MCOLN2: variants seen among roughly 807,000 people sequenced by gnomAD.
The protein encoded by MCOLN2 is mucolipin-2.
Under a neutral mutation model 67.5 loss-of-function variants are expected in MCOLN2, and 57 were observed. The ratio of observed to expected loss-of-function variants is 0.84; its 90% confidence interval spans 0.68 to 1.05. The LOEUF is 1.05. Among genes scored for constraint, MCOLN2 ranks in the 50% least tolerant of loss-of-function variants. The probability of loss-of-function intolerance (pLI) is 0.00; values close to 1 mark genes in which losing one functional copy is unlikely to be tolerated. For missense variants in MCOLN2, 620 were observed against 678.8 expected (o/e 0.91, Z 0.96); for synonymous variants, 246 against 233.3 (o/e 1.05, Z -0.50).
intron 11 of MCOLN2, among the ~76,000 whole-genome samples, chr1:84,935,309 C>T (rs923762381): frequency 2.0e-5 from 3 of 152,204 alleles, no homozygotes. Context: ...GTGTATTTCC[C>T]CAATATATCA....
intron 1 of MCOLN2, among the ~76,000 whole-genome samples, chr1:84,977,307 A>G (rs1288994463): frequency 6.6e-6 from 1 of 152,036 alleles, no homozygotes; most frequent in African/African-American, 2.4e-5. Context: ...CACCTTCATT[A>G]AAGGAAGACA....
At chr1:84,994,811 C>T (rs1651070790) in intron 1 of MCOLN2, among the ~76,000 whole-genome samples, 1 of 152,184 alleles carries the variant, frequency 6.6e-6, no homozygotes, top group Non-Finnish European at 1.5e-5. Context: ...ATCTCATATG[C>T]ATTCAAAACT....
At chr1:84,934,679 T>G (rs913461958) in intron 11 of MCOLN2, among the ~76,000 whole-genome samples, 2 of 152,228 alleles carry the variant, frequency 1.3e-5, no homozygotes, top group African/African-American at 4.8e-5. Flanking sequence ...CTATGATTTA[T>G]TCCTCACAGG....
At position 84,968,416 on chromosome 1, in the gene MCOLN2, C is replaced by G. The variant is rs191505699; in HGVS notation, c.78-2708G>C. 2.0e-5 allele frequency among the ~76,000 whole-genome samples: 3 copies of G among 152,140 alleles called. No homozygotes were observed. In the East Asian group the frequency reaches 5.8e-4, roughly 29 times the overall value. On this transcript the variant is annotated intron_variant, in intron 1 of 13. Coordinates refer to ENST00000370608, the MANE Select transcript of MCOLN2 (RefSeq NM_153259.4). ...TAGGTTCATCCTAAGACTTGGCACTCTAATAAATAACTTATAAAACACAAT... is the reference window on the plus strand; with the variant it reads ...TAGGTTCATCCTAAGACTTGGCACTGTAATAAATAACTTATAAAACACAAT...
chr1:84,957,959 A>T (rs953925831), intron 3 of MCOLN2, among the ~76,000 whole-genome samples: 14 of 152,230 alleles, frequency 9.2e-5, no homozygotes, highest in Non-Finnish European at 1.6e-4. Context: ...CTTCAAGTCT[A>T]CTAATCTGCT....
chr1:84,975,855 G>T (rs981854841), intron 1 of MCOLN2, among the ~76,000 whole-genome samples: 8 of 151,984 alleles, frequency 5.3e-5, no homozygotes, highest in Non-Finnish European at 2.9e-5. Context: ...GAATCTAAAA[G>T]AAATTCTGGA....
At chr1:84,963,406 T>C (rs1649196647) in intron 2 of MCOLN2, among the ~76,000 whole-genome samples, 1 of 152,094 alleles carries the variant, frequency 6.6e-6, no homozygotes, top group Non-Finnish European at 1.5e-5. Context: ...GAGAAGATAG[T>C]GAGTATGGGA....
At chr1:84,968,217 A>C (rs1649478040) in intron 1 of MCOLN2, among the ~76,000 whole-genome samples, 1 of 152,200 alleles carries the variant, frequency 6.6e-6, no homozygotes, top group Non-Finnish European at 1.5e-5. Context: ...AAATAGACCC[A>C]TCCTGATAAA....
In MCOLN2 at chr1:84,937,771, C is replaced by T. The variant is rs1647514814; in HGVS notation, c.1319G>A (p.Gly440Glu). 3 of 1,614,154 alleles carry T rather than the reference C, an allele frequency of 1.9e-6. No homozygotes were observed. Among genetic ancestry groups the T allele is most frequent in the Non-Finnish European group, 2.5e-6 (3 of 1,180,022 alleles). The part of the protein sequence containing the change: ...GYTFCGWIVL[G>E]PYHDKFENLN... ...GCTACACACCTTGTCATGGTATGGT[C>T]CTAAGACAATCCAGCCACAGAATGT... Residue 440 changes from glycine to glutamate, a missense_variant, in exon 11 of 14, where the codon GGA becomes GAA. Gly to Glu is a moderately conservative substitution (Grantham distance 98). Coordinates refer to ENST00000370608, the MANE Select transcript of MCOLN2 (RefSeq NM_153259.4).
chr1:84,974,167 G>C (rs1649883112), intron 1 of MCOLN2, among the ~76,000 whole-genome samples: 2 of 152,168 alleles, frequency 1.3e-5, no homozygotes, highest in South Asian at 4.1e-4. Context: ...CTTCACCACT[G>C]CAGGCTAAAG....
chr1:84,973,113 A>G (rs1649777527), intron 1 of MCOLN2, among the ~76,000 whole-genome samples: 1 of 152,214 alleles, frequency 6.6e-6, no homozygotes. Context: ...AAAATAGAGA[A>G]GTAAAGAATT....
chr1:84,973,417 G>A (rs1267605588), intron 1 of MCOLN2, among the ~76,000 whole-genome samples: 1 of 152,178 alleles, frequency 6.6e-6, no homozygotes, highest in Non-Finnish European at 1.5e-5. Flanking sequence ...GTTCAAGGCT[G>A]CAGTGAGCTA....
chr1:84,935,008 T>C (rs1647342615), intron 11 of MCOLN2, among the ~76,000 whole-genome samples: 2 of 152,222 alleles, frequency 1.3e-5, no homozygotes, highest in Admixed American at 6.5e-5. Flanking sequence ...AAGAATTAGC[T>C]TTCACAATCA....
intron 11 of MCOLN2, among the ~76,000 whole-genome samples, chr1:84,936,326 A>G (rs781366904): frequency 8.5e-5 from 13 of 152,206 alleles, no homozygotes; most frequent in Non-Finnish European, 1.6e-4. Flanking sequence ...AGATGGGACC[A>G]CTTGTCCACA....
At chr1:84,994,070 G>A (rs530625455) in intron 1 of MCOLN2, among the ~76,000 whole-genome samples, 1 of 152,324 alleles carries the variant, frequency 6.6e-6, no homozygotes, top group African/African-American at 2.4e-5. Context: ...TATTATCAAT[G>A]AGCAGTAATA....
chr1:84,938,079 G>A lies in MCOLN2; in HGVS notation c.1114C>T (p.Leu372Phe). Residue 372 changes from leucine (L) to phenylalanine (F), a missense_variant, in exon 10 of 14, where the codon CTC becomes TTC. Coordinates refer to ENST00000370608, the MANE Select transcript of MCOLN2 (RefSeq NM_153259.4). ...ILKMEIKAKNLTNYDLCSIFL... is the reference protein window; with the variant it reads ...ILKMEIKAKNFTNYDLCSIFL... ...ATGCTGCAGAGATCATAGTTTGTGA[G>A]ATTCTAAGGAATGAAAAAAAAGAAA... 6.2e-7 allele frequency: 1 copy of A among 1,604,372 alleles called. No individual in the cohort carries two copies. Among genetic ancestry groups the A allele is most frequent in the Non-Finnish European group, 8.5e-7 (1 of 1,175,198 alleles).
rs61745327 is a variant in MCOLN2 at position 84,931,393 on chromosome 1, G to A, written c.1511C>T (p.Ala504Val). The change falls in exon 12 of 14, where the codon GCA becomes GTA. Residue 504 changes from alanine (A) to valine (V), a missense_variant. By Grantham distance (64) the Ala-to-Val change is moderately conservative. Coordinates refer to ENST00000370608, the MANE Select transcript of MCOLN2 (RefSeq NM_153259.4). ...GGTGTCATAAGAATCTGTAATAAGT[G>A]CAATAAAAAGACTGAGAATCATATA... ...FIYMILSLFI[A>V]LITDSYDTIK... 2.1e-4 allele frequency: 335 copies of A among 1,590,934 alleles called. 1 individual carries two copies. The African/African-American group carries it at 3.9e-3, about 19-fold the overall frequency.
intron 4 of MCOLN2, among the ~76,000 whole-genome samples, chr1:84,953,893 G>A (rs1648643185): frequency 6.6e-6 from 1 of 152,256 alleles, no homozygotes; most frequent in Middle Eastern, 3.4e-3. Flanking sequence ...GGTGACCCTT[G>A]CCCAGGCTGT....
rs559868910 is a variant in MCOLN2 at position 84,937,243 on chromosome 1, A to C, written c.1335+512T>G. 2.0e-5 allele frequency among the ~76,000 whole-genome samples: 3 copies of C among 152,332 alleles called. No individual in the cohort carries two copies. The South Asian group carries it at 6.2e-4, about 32-fold the overall frequency. On this transcript the variant is annotated intron_variant, in intron 11 of 13. Coordinates refer to ENST00000370608, the MANE Select transcript of MCOLN2 (RefSeq NM_153259.4). ...GTAATAGTTTAGAATTCAGATACTG[A>C]TCTTTAATAAGGCAGAAAGATGATG... is the stretch of plus-strand genomic sequence containing the variant.
Sources: allele counts gnomAD v4.1 joint callset (sites outside exome capture counted in the v4.1 genomes callset), GRCh38; gene constraint gnomAD v4.1.1; transcripts MANE v1.5; gene names NCBI Gene and HGNC (gene_info 2026-07-23, HGNC 2026-07-21).